MYO1B: variants seen among roughly 807,000 people sequenced by gnomAD.
The protein encoded by MYO1B is unconventional myosin-Ib.
MYO1B carries 72 observed loss-of-function variants against 159.7 expected under a neutral mutation model. The observed-to-expected ratio is 0.45, with a 90% CI of 0.37 to 0.55. MYO1B has a LOEUF of 0.55. Among genes scored for constraint, MYO1B ranks in the 20% least tolerant of loss-of-function variants. The probability of loss-of-function intolerance (pLI) is 0.00; values close to 1 mark genes in which losing one functional copy is unlikely to be tolerated. For missense variants in MYO1B, 1,062 were observed against 1,364.8 expected (o/e 0.78, Z 3.50); for synonymous variants, 468 against 473.8 (o/e 0.99, Z 0.16).
chr2:191,261,644 A>G (rs1403240633), intron 1 of MYO1B, among the ~76,000 whole-genome samples: 3 of 152,178 alleles, frequency 2.0e-5, no homozygotes, highest in East Asian at 1.9e-4. Flanking sequence ...TATTGGCTAT[A>G]TGCCTGAATT....
intron 1 of MYO1B, among the ~76,000 whole-genome samples, chr2:191,250,067 C>T (rs945894897): frequency 1.3e-5 from 2 of 152,170 alleles, no homozygotes; most frequent in Non-Finnish European, 2.9e-5. Context: ...ATGCATTAGA[C>T]CCATTTTAAA....
rs528266592 is a variant in MYO1B at position 191,366,436 on chromosome 2, A to G, written c.1032+2160A>G. Among the ~76,000 whole-genome samples the G allele has an allele frequency of 4.0e-5, 6 of 151,502 alleles. No homozygotes were observed. In the South Asian group the frequency reaches 8.3e-4, roughly 21 times the overall value. The stretch of plus-strand genomic sequence containing the variant: ...TCAGAGTATCTGGTTCTACTGATCT[A>G]TTGCCTGGGAGGTTTTGATTGCTGT... On this transcript the variant is annotated intron_variant, in intron 11 of 30. Coordinates refer to ENST00000392318, the MANE Select transcript of MYO1B (RefSeq NM_001130158.3).
intron 3 of MYO1B, among the ~76,000 whole-genome samples, chr2:191,318,517 G>A (rs1690496255): frequency 6.6e-6 from 1 of 152,178 alleles, no homozygotes; most frequent in African/African-American, 2.4e-5. Flanking sequence ...AGATTACCCT[G>A]AAGCAGTCTC....
rs1360878350 is a variant in MYO1B at position 191,392,987 on chromosome 2, G to T, written c.2077-86G>T. The T allele has an allele frequency of 8.4e-6, 10 of 1,188,218 alleles. No individual in the cohort carries two copies. The African/African-American group carries it at 1.1e-4, about 13-fold the overall frequency. 73.6% of individuals were successfully genotyped at this position (1,188,218 alleles called of 1,614,324 possible). A position where few individuals can be genotyped will look rare whatever the true frequency, so the allele number is the denominator to read the frequency against. Reference sequence around the variant, plus strand: ...TCAATGTAATTGACTCCAACATGATGGCATTTTGTCTCCTGAAAATTCCTT... The same window carrying T: ...TCAATGTAATTGACTCCAACATGATTGCATTTTGTCTCCTGAAAATTCCTT... On this transcript the variant is annotated intron_variant, in intron 19 of 30. Transcript: ENST00000392318.
At chr2:191,399,085 A>G (rs1454051333) in intron 21 of MYO1B, among the ~76,000 whole-genome samples, 2 of 152,154 alleles carry the variant, frequency 1.3e-5, no homozygotes, top group South Asian at 2.1e-4. Context: ...CCAACACAGC[A>G]AAACCCCGTC....
chr2:191,305,649 C>G (rs916261238), intron 3 of MYO1B, among the ~76,000 whole-genome samples: 1 of 152,150 alleles, frequency 6.6e-6, no homozygotes, highest in Non-Finnish European at 1.5e-5. Context: ...AAATAAATAC[C>G]GAAGGGAGAA....
chr2:191,392,352 G>A, intron 19 of MYO1B, 151 bp downstream of exon 19: 1 of 531,144 alleles, frequency 1.9e-6, no homozygotes, highest in South Asian at 3.9e-5. Context: ...CAAGAGGCAG[G>A]GACAGATAAG....
At chr2:191,304,865 A>G (rs1452310136) in intron 3 of MYO1B, among the ~76,000 whole-genome samples, 1 of 152,176 alleles carries the variant, frequency 6.6e-6, no homozygotes, top group Non-Finnish European at 1.5e-5. Context: ...GACTCGAAAG[A>G]GTTTATTGTA....
In MYO1B at chr2:191,409,105, A is replaced by C; in HGVS notation, c.2693A>C (p.Asn898Thr). Residue 898 changes from asparagine to threonine, a missense_variant, in exon 26 of 31, where the codon AAT (asparagine) becomes ACT (threonine). Around this residue, in one of 5 missense-constraint regions of MYO1B, gnomAD observed 609 missense variants for 744.4 expected, o/e 0.82. Coordinates refer to ENST00000392318, the MANE Select transcript of MYO1B (RefSeq NM_001130158.3). ...KMPSLSPIDKNWPSRPYLFLD... is the reference protein window; with the variant it reads ...KMPSLSPIDKTWPSRPYLFLD... ...CCTTCCTTATCTCCAATAGACAAGA[A>C]TTGGCCCTCAAGACCTTACTTATTC... 1 of 1,613,612 alleles carries C rather than the reference A, an allele frequency of 6.2e-7. No individual in the cohort carries two copies. The highest frequency in any genetic ancestry group is 8.5e-7 in the Non-Finnish European group (1 of 1,179,870).
At chr2:191,302,550 G>A (rs1045416586) in intron 3 of MYO1B, among the ~76,000 whole-genome samples, 1 of 152,042 alleles carries the variant, frequency 6.6e-6, no homozygotes, top group Non-Finnish European at 1.5e-5. Flanking sequence ...TTAAGTATTT[G>A]TTCAGCTTCG....
At chr2:191,252,601 A>G (rs1236531990) in intron 1 of MYO1B, among the ~76,000 whole-genome samples, 1 of 152,180 alleles carries the variant, frequency 6.6e-6, no homozygotes, top group Non-Finnish European at 1.5e-5. Flanking sequence ...GTTGCTATTG[A>G]AAAGTGTCTT....
chr2:191,304,875 A>G (rs1174464863), intron 3 of MYO1B, among the ~76,000 whole-genome samples: 2 of 152,216 alleles, frequency 1.3e-5, no homozygotes, highest in Non-Finnish European at 2.9e-5. Context: ...AGTTTATTGT[A>G]AAAATGCTGT....
At chr2:191,363,627 G>T in intron 9 of MYO1B, 101 bp from the exon 10 acceptor site, 1 of 1,413,730 alleles carries the variant, frequency 7.1e-7, no homozygotes. Flanking sequence ...TGTCTTTTAT[G>T]GGTTTTTTTC....
At chr2:191,396,594 C>T (rs1210568117) in intron 21 of MYO1B, 97 bp downstream of exon 21, 1 of 1,096,836 alleles carries the variant, frequency 9.1e-7, no homozygotes, top group Non-Finnish European at 1.3e-6. Flanking sequence ...AGGGGCTCCT[C>T]TGTCTCCTGC....
chr2:191,293,153 G>C lies in MYO1B; in HGVS notation c.136-2958G>C, dbSNP rs922131205. 3.9e-5 allele frequency among the ~76,000 whole-genome samples: 6 copies of C among 152,354 alleles called. No homozygotes were observed. The East Asian group carries it at 1.2e-3, about 29-fold the overall frequency. ...ACAAATGCTTCTCAGGCTTCTACTT[G>C]TGTCTCATTTGCTAACTTCCCTTTG... On this transcript the variant is annotated intron_variant, in intron 2 of 30. Coordinates refer to ENST00000392318, the MANE Select transcript of MYO1B (RefSeq NM_001130158.3).
At chr2:191,303,297 G>T (rs1689448224) in intron 3 of MYO1B, among the ~76,000 whole-genome samples, 1 of 152,114 alleles carries the variant, frequency 6.6e-6, no homozygotes, top group Non-Finnish European at 1.5e-5. Flanking sequence ...GCAACTGGAT[G>T]TGAAAGTGCT....
intron 2 of MYO1B, among the ~76,000 whole-genome samples, chr2:191,288,434 A>T (rs187459078): frequency 2.0e-5 from 3 of 152,214 alleles, no homozygotes; most frequent in East Asian, 3.9e-4. Context: ...CTTTCTTTAT[A>T]TAACCCTGGA....
Position 191,362,366 on chromosome 2 carries a change from G to T in MYO1B, c.760G>T (p.Val254Leu). The change falls in exon 9 of 31, where the codon GTG (valine) becomes TTG (leucine). Residue 254 changes from valine to leucine, a missense_variant. By Grantham distance (32) the Val-to-Leu change is conservative. Around this residue, in one of 5 missense-constraint regions of MYO1B, gnomAD observed 415 missense variants for 544.0 expected, o/e 0.76. Transcript: ENST00000392318. ...GVDDAANFRT[V>L]RNAMQIVGFM... ...GGATGATGCAGCAAATTTTAGAACC[G>T]TGCGGGTAAGATGTAGTACTTTCAT... The T allele has an allele frequency of 6.2e-7, 1 of 1,612,776 alleles. No homozygotes were observed. Among genetic ancestry groups the T allele is most frequent in the Non-Finnish European group, 8.5e-7 (1 of 1,178,972 alleles).
intron 4 of MYO1B, among the ~76,000 whole-genome samples, chr2:191,337,259 A>G (rs919607935): frequency 6.6e-6 from 1 of 152,170 alleles, no homozygotes; most frequent in African/African-American, 2.4e-5. Flanking sequence ...GCTTTATTTC[A>G]TTAAAAAGAT....
Sources: allele counts gnomAD v4.1 joint callset (sites outside exome capture counted in the v4.1 genomes callset), GRCh38; gene constraint gnomAD v4.1.1; regional missense constraint gnomAD v4.1.1; transcripts MANE v1.5; gene names NCBI Gene and HGNC (gene_info 2026-07-23, HGNC 2026-07-21).